NYAP2: variants seen among roughly 807,000 people sequenced by gnomAD.
The protein encoded by NYAP2 is neuronal tyrosine-phosphorylated phosphoinositide-3-kinase adaptor 2.
A neutral mutation model predicts 50.4 loss-of-function variants in NYAP2; 23 were observed. That is an observed-to-expected ratio of 0.46 (90% CI 0.33 to 0.65). The LOEUF (loss-of-function observed/expected upper bound fraction) is 0.65. Ranked by LOEUF, NYAP2 falls within the 30% of genes least tolerant of loss-of-function variation. NYAP2 has a pLI of 0.02. For synonymous variants in NYAP2, 394 were observed against 365.2 expected (o/e 1.08, Z -0.90); for missense variants, 885 against 861.0 (o/e 1.03, Z -0.35).
chr2:225,556,113 G>C (rs12105639), intron 4 of NYAP2, among the ~76,000 whole-genome samples: 4,181 of 152,192 alleles, frequency 0.027, 180 homozygotes, highest in African/African-American at 0.093. Flanking sequence ...TAGAACCTCT[G>C]ACTCTCTGTT....
rs534642216 is a variant in NYAP2 at position 225,516,738 on chromosome 2, G to A, written c.523+3066G>A. On this transcript the variant is annotated intron_variant, in intron 4 of 6. Transcript: ENST00000636099. ...GCCAAAATTATTAATATATCAATAT[G>A]TAGATTGTTCTTTTATGAACTCTCA... Among the ~76,000 whole-genome samples, 30 of 152,242 alleles carry A rather than the reference G, an allele frequency of 2.0e-4. No individual in the cohort carries two copies. In the South Asian group the frequency reaches 5.4e-3, roughly 27 times the overall value.
intron 5 of NYAP2, among the ~76,000 whole-genome samples, chr2:225,589,230 C>T (rs1692446117): frequency 6.6e-6 from 1 of 151,972 alleles, no homozygotes; most frequent in East Asian, 1.9e-4. Context: ...TATCCACCAA[C>T]TAGGTCTTGC....
At chr2:225,602,781 A>G (rs1200185849) in intron 5 of NYAP2, among the ~76,000 whole-genome samples, 1 of 152,082 alleles carries the variant, frequency 6.6e-6, no homozygotes, top group Non-Finnish European at 1.5e-5. Flanking sequence ...ATAGAAGTTT[A>G]TTACTGGGCT....
intron 3 of NYAP2, among the ~76,000 whole-genome samples, chr2:225,476,381 C>G (rs1299535633): frequency 6.6e-6 from 1 of 151,156 alleles, no homozygotes; most frequent in Non-Finnish European, 1.5e-5. Flanking sequence ...CCACTGCACT[C>G]CAGCCTGGGT....
At chr2:225,662,123 C>A in the NYAP2 span, among the ~76,000 whole-genome samples, 1 of 152,308 alleles carries the variant, frequency 6.6e-6, no homozygotes, top group Non-Finnish European at 1.5e-5. Context: ...CTTTTTGAGA[C>A]TAAAATGTCA....
At chr2:225,483,273 T>C (rs939509871) in intron 3 of NYAP2, among the ~76,000 whole-genome samples, 22 of 152,154 alleles carry the variant, frequency 1.4e-4, no homozygotes, top group African/African-American at 1.9e-4. Context: ...GTTCATGATA[T>C]AGAATGTGAG....
chr2:225,680,246 ATC>A, the NYAP2 span, among the ~76,000 whole-genome samples: 1 of 152,224 alleles, frequency 6.6e-6, no homozygotes, highest in South Asian at 2.1e-4. Flanking sequence ...AAGCAAGGAT[ATC>A]TCTGGCAGAA....
Position 225,558,297 on chromosome 2 carries a change from A to G in NYAP2, c.524-23644A>G, listed in dbSNP as rs533214422. Among the ~76,000 whole-genome samples the G allele has an allele frequency of 8.5e-5, 13 of 152,314 alleles. No homozygotes were observed. The East Asian group carries it at 1.9e-3, about 23-fold the overall frequency. ...TTGTATTATCTAATAATTCTGTCTA[A>G]CATGAGTCTCACTGAGCTAAAATCA... On this transcript the variant is annotated intron_variant, in intron 4 of 6. Transcript: ENST00000636099.
intron 4 of NYAP2, among the ~76,000 whole-genome samples, chr2:225,554,630 T>A (rs1441593205): frequency 6.6e-6 from 1 of 152,038 alleles, no homozygotes; most frequent in Non-Finnish European, 1.5e-5. Context: ...CCTACATTTA[T>A]CTTATATAGA....
chr2:225,446,971 C>A (rs1689574201), intron 3 of NYAP2, among the ~76,000 whole-genome samples: 1 of 152,086 alleles, frequency 6.6e-6, no homozygotes, highest in Non-Finnish European at 1.5e-5. Context: ...GTCTCTTTCA[C>A]CGAGAAGCCA....
chr2:225,651,925 A>G (rs1693740193), exon 7 of NYAP2: 1 of 178,110 alleles, frequency 5.6e-6, no homozygotes, highest in Non-Finnish European at 1.2e-5. Context: ...ATATTTGATA[A>G]ATTTATCTAC....
At chr2:225,506,342 C>T (rs988775475) in intron 3 of NYAP2, among the ~76,000 whole-genome samples, 1 of 151,990 alleles carries the variant, frequency 6.6e-6, no homozygotes, top group East Asian at 1.9e-4. Flanking sequence ...CTGGGGAGAG[C>T]GTGTGAATAT....
At chr2:225,696,421 A>C in the NYAP2 span, among the ~76,000 whole-genome samples, 18 of 152,084 alleles carry the variant, frequency 1.2e-4, no homozygotes, top group Middle Eastern at 3.4e-3. Context: ...TTTAAAATGA[A>C]TTGACCTTCA....
At chr2:225,680,863 A>AAAG in the NYAP2 span, among the ~76,000 whole-genome samples, 2 of 152,178 alleles carry the variant, frequency 1.3e-5, no homozygotes, top group African/African-American at 2.4e-5. Flanking sequence ...TCCATCCATA[A>AAAG]AAGTCTTTTT....
At chr2:225,494,752 G>A (rs547582440) in intron 3 of NYAP2, among the ~76,000 whole-genome samples, 1 of 152,218 alleles carries the variant, frequency 6.6e-6, no homozygotes, top group South Asian at 2.1e-4. Context: ...TGATGCTTTG[G>A]GGATTGCAGT....
intron 3 of NYAP2, among the ~76,000 whole-genome samples, chr2:225,420,080 T>A (rs1348207616): frequency 6.6e-6 from 1 of 152,242 alleles, no homozygotes; most frequent in African/African-American, 2.4e-5. Context: ...GCGGAGAAGC[T>A]GTCTCTTGTG....
chr2:225,584,354 G>A (rs1171872425), intron 5 of NYAP2, among the ~76,000 whole-genome samples: 1 of 152,116 alleles, frequency 6.6e-6, no homozygotes, highest in Non-Finnish European at 1.5e-5. Flanking sequence ...TCAAAGACCA[G>A]GAAATTTATC....
chr2:225,613,651 T>C (rs1030479875), intron 5 of NYAP2, among the ~76,000 whole-genome samples: 2 of 152,220 alleles, frequency 1.3e-5, no homozygotes, highest in Non-Finnish European at 2.9e-5. Context: ...ACAGTGTTGA[T>C]GCTGCTGCTG....
intron 3 of NYAP2, among the ~76,000 whole-genome samples, chr2:225,494,615 G>T (rs1021987788): frequency 2.6e-5 from 4 of 152,206 alleles, no homozygotes; most frequent in African/African-American, 9.7e-5. Context: ...AGACAGGTTA[G>T]AAGGAAATTA....
Sources: allele counts gnomAD v4.1 joint callset (sites outside exome capture counted in the v4.1 genomes callset), GRCh38; gene constraint gnomAD v4.1.1; transcripts MANE v1.5; gene names NCBI Gene and HGNC (gene_info 2026-07-23, HGNC 2026-07-21).